Variants in CLEC10A observed in about 807,000 individuals in gnomAD.
The protein encoded by CLEC10A is C-type lectin domain containing 10A.
In CLEC10A, 38 loss-of-function variants were observed where a neutral mutation model predicts 42.0. The ratio of observed to expected loss-of-function variants is 0.90; its 90% CI spans 0.70 to 1.18. The LOEUF (loss-of-function observed/expected upper bound fraction) is 1.18. CLEC10A is among the 50% of genes most tolerant of loss of function. CLEC10A has a pLI of 0.00. For missense variants in CLEC10A, 298 were observed against 345.9 expected (o/e 0.86, Z 1.10); for synonymous variants, 126 against 139.9 (o/e 0.90, Z 0.70).
Position 7,076,714 on chromosome 17 carries a change from T to C in CLEC10A, c.352+19A>G. ...CTGAGCGCCTAGCCCCCCACACCCATACTCGGAGGGTCTCTCACCTGCCTG... is the reference window on the plus strand; with the variant it reads ...CTGAGCGCCTAGCCCCCCACACCCACACTCGGAGGGTCTCTCACCTGCCTG... On this transcript the variant is annotated intron_variant, in intron 5 of 8. Coordinates refer to ENST00000416562, the MANE Select transcript of CLEC10A (RefSeq NM_001330070.2). The C allele has an allele frequency of 6.2e-7, 1 of 1,613,050 alleles. No homozygotes were observed. The highest frequency in any genetic ancestry group is 1.3e-5 in the African/African-American group (1 of 74,846).
intron 5 of CLEC10A, chr17:7,076,302 T>C (rs569990947): frequency 1.6e-5 from 11 of 677,490 alleles, no homozygotes; most frequent in Middle Eastern, 3.7e-4. Flanking sequence ...TTTCTTTCTT[T>C]CTTTCTTTTT....
chr17:7,077,400 C>T (rs1473377842), intron 3 of CLEC10A, among the ~76,000 whole-genome samples: 1 of 128,478 alleles, frequency 7.8e-6, no homozygotes, highest in African/African-American at 2.8e-5. Context: ...CCCACTATTC[C>T]CATCAGTCAC....
intron 1 of CLEC10A, 124 bp from the exon 2 acceptor site, chr17:7,079,009 G>A (rs1194210687): frequency 3.3e-6 from 2 of 611,148 alleles, no homozygotes; most frequent in Admixed American, 2.9e-5. Flanking sequence ...GTTTGCAGTC[G>A]AGTTAGAATT....
intron 4 of CLEC10A, 42 bp from the exon 5 acceptor site, chr17:7,076,846 T>TC: frequency 6.2e-7 from 1 of 1,613,546 alleles, no homozygotes; most frequent in Non-Finnish European, 8.5e-7. Flanking sequence ...AACTTCCTCC[T>TC]CCCTGGCCTG....
At chr17:7,077,223 C>T (rs192301745) in intron 3 of CLEC10A, among the ~76,000 whole-genome samples, 8 of 152,070 alleles carry the variant, frequency 5.3e-5, no homozygotes, top group Non-Finnish European at 1.0e-4. Context: ...ACTATGGGTC[C>T]GTCAACTCTC....
chr17:7,079,148 G>A (rs184500420), intron 1 of CLEC10A, among the ~76,000 whole-genome samples: 1 of 152,312 alleles, frequency 6.6e-6, no homozygotes, highest in East Asian at 1.9e-4. Context: ...ATTGGGGTCA[G>A]TATGCACGTT....
chr17:7,078,638 C>T, intron 2 of CLEC10A, 108 bp downstream of exon 2: 2 of 1,085,934 alleles, frequency 1.8e-6, no homozygotes. Flanking sequence ...CTGACCTCCT[C>T]AGAGTTAGGA....
At chr17:7,079,402 G>C (rs1912049032) in intron 1 of CLEC10A, among the ~76,000 whole-genome samples, 1 of 152,068 alleles carries the variant, frequency 6.6e-6, no homozygotes, top group East Asian at 1.9e-4. Flanking sequence ...GGCCAACATG[G>C]TGAAACCCCA....
At chr17:7,078,283 A>G (rs948921631) in intron 2 of CLEC10A, among the ~76,000 whole-genome samples, 170 bp from the exon 3 acceptor site, 5 of 152,050 alleles carry the variant, frequency 3.3e-5, no homozygotes, top group Non-Finnish European at 1.5e-5. Context: ...GACTTCAGGG[A>G]CCAGCACAAG....
intron 2 of CLEC10A, chr17:7,078,360 G>A: frequency 1.9e-6 from 1 of 517,904 alleles, no homozygotes; most frequent in South Asian, 2.6e-5. Context: ...GGGTCCCATG[G>A]TCAGAGCTGG....
In CLEC10A at chr17:7,075,227, G is replaced by A. The variant is rs773628634; in HGVS notation, c.702-5C>T. 5 of 1,528,142 alleles carry A rather than the reference G, an allele frequency of 3.3e-6. No homozygotes were observed. The highest frequency in any genetic ancestry group is 2.4e-5 in the East Asian group (1 of 42,488). 94.7% of individuals were successfully genotyped at this position (1,528,142 alleles called of 1,614,324 possible). A position where few individuals can be genotyped will look rare whatever the true frequency, so the allele number is the denominator to read the frequency against. On this transcript the variant is annotated splice_polypyrimidine_tract_variant and splice_region_variant and intron_variant, in intron 8 of 8. Transcript: ENST00000416562. The stretch of plus-strand genomic sequence containing the variant: ...GGCTGGCCTGGCTTCCAGTTCCTGA[G>A]AGGAAAAGACAACAGCAAGCTAGGA...
chr17:7,077,284 C>CA (rs1567745406), intron 3 of CLEC10A, among the ~76,000 whole-genome samples: 10 of 112,756 alleles, frequency 8.9e-5, no homozygotes, highest in African/African-American at 1.5e-4. Context: ...TCAGTGCCCC[C>CA]CCACCATTCC....
chr17:7,076,910 G>C lies in CLEC10A; in HGVS notation c.262C>G (p.Gln88Glu). The part of the protein sequence containing the change: ...NFTSNTVAEI[Q>E]ALTSQGSSLE... ...GACTCACCCTGGGAAGTCAGTGCCT[G>C]GATCTCCGCCACAGTGTTTGAGGTG... Residue 88 changes from glutamine (Q) to glutamate (E), a missense_variant, in exon 4 of 9, where the codon CAG becomes GAG. This residue lies in a region of CLEC10A where 267 missense variants were observed against 289.5 expected (regional missense o/e 0.92). Coordinates refer to ENST00000416562, the MANE Select transcript of CLEC10A (RefSeq NM_001330070.2). 1 of 1,613,944 alleles carries C rather than the reference G, an allele frequency of 6.2e-7. No individual in the cohort carries two copies.
intron 2 of CLEC10A, 59 bp downstream of exon 2, chr17:7,078,687 A>C: frequency 3.3e-6 from 5 of 1,529,198 alleles, no homozygotes; most frequent in Non-Finnish European, 4.5e-6. Flanking sequence ...AAATGATAGG[A>C]GAAATCCTTC....
In CLEC10A at chr17:7,075,761, G is replaced by A. The variant is rs1468101968; in HGVS notation, c.564C>T (p.His188=). ...CCTCCCTGGAGTTGATGACCACCAGGTGGGCGTTCTTCAGCTGGCAGTACT... is the reference window on the plus strand; with the variant it reads ...CCTCCCTGGAGTTGATGACCACCAGATGGGCGTTCTTCAGCTGGCAGTACT... ...AEKYCQLKNA[H]LVVINSREEQ... is the part of the protein sequence containing the mutation. Residue 188 remains histidine, a synonymous_variant, in exon 7 of 9, where the codon CAC becomes CAT. Coordinates refer to ENST00000416562, the MANE Select transcript of CLEC10A (RefSeq NM_001330070.2). The A allele has an allele frequency of 2.5e-6, 4 of 1,614,192 alleles. No homozygotes were observed. The highest frequency in any genetic ancestry group is 3.4e-6 in the Non-Finnish European group (4 of 1,180,040).
In CLEC10A at chr17:7,076,220, C is replaced by T. The variant is rs998454053; in HGVS notation, c.353-149G>A. ...CCACCCCCTACATCATGGCCAGGTACAGCCATCAAATCTGCTTTGGATTCC... is the reference window on the plus strand; with the variant it reads ...CCACCCCCTACATCATGGCCAGGTATAGCCATCAAATCTGCTTTGGATTCC... On this transcript the variant is annotated intron_variant, in intron 5 of 8. Coordinates refer to ENST00000416562, the MANE Select transcript of CLEC10A (RefSeq NM_001330070.2). 12 of 1,461,218 alleles carry T rather than the reference C, an allele frequency of 8.2e-6. No homozygotes were observed. In the South Asian group the frequency reaches 1.4e-4, roughly 17 times the overall value. The allele number at this position is 1,461,218 out of a possible 1,614,324, so 90.5% of individuals were successfully genotyped here. A position where few individuals can be genotyped will look rare whatever the true frequency, so the allele number is the denominator to read the frequency against.
rs563716501 is a variant in CLEC10A at position 7,077,821 on chromosome 17, T to C, written c.184+176A>G. 1.5e-3 allele frequency among the ~76,000 whole-genome samples: 155 copies of C among 102,830 alleles called. 1 individual carries two copies. The highest frequency in any genetic ancestry group is 3.4e-3 in the Admixed American group (37 of 10,748). 67.5% of individuals were successfully genotyped at this position (102,830 alleles called of 152,430 possible). On this transcript the variant is annotated intron_variant, in intron 3 of 8. Coordinates refer to ENST00000416562, the MANE Select transcript of CLEC10A (RefSeq NM_001330070.2). ...CTGTTGTGACCCCCATGACTGTTGGTAGCACTGCCCTCACCATGCCCCATT... is the reference window on the plus strand; with the variant it reads ...CTGTTGTGACCCCCATGACTGTTGGCAGCACTGCCCTCACCATGCCCCATT...
intron 7 of CLEC10A, 119 bp downstream of exon 7, chr17:7,075,612 G>A (rs1289806248): frequency 2.7e-6 from 4 of 1,493,456 alleles, no homozygotes; most frequent in Non-Finnish European, 3.7e-6. Context: ...ATCTCTGAGG[G>A]TGTGGCACAG....
chr17:7,076,167 G>T, intron 5 of CLEC10A, 96 bp from the exon 6 acceptor site: 1 of 1,611,346 alleles, frequency 6.2e-7, no homozygotes, highest in Admixed American at 1.7e-5. Flanking sequence ...ACAGGGCCAA[G>T]CCAGGGAATG....
Sources: allele counts gnomAD v4.1 joint callset (sites outside exome capture counted in the v4.1 genomes callset), GRCh38; gene constraint gnomAD v4.1.1; regional missense constraint gnomAD v4.1.1; transcripts MANE v1.5; gene names NCBI Gene and HGNC (gene_info 2026-07-23, HGNC 2026-07-21).